Variants in ENG observed in about 807,000 individuals in gnomAD.
The protein encoded by ENG is CD105 antigen.
In ENG, 17 loss-of-function variants were observed where a neutral mutation model predicts 71.0. The observed-to-expected ratio is 0.24, with a 90% CI of 0.16 to 0.36. The LOEUF is 0.36. Among genes scored for constraint, ENG ranks in the 10% least tolerant of loss-of-function variants. The probability of loss-of-function intolerance (pLI) is 1.00; values close to 1 mark genes in which losing one functional copy is unlikely to be tolerated. For synonymous variants in ENG, 360 were observed against 366.9 expected (o/e 0.98, Z 0.21); for missense variants, 749 against 868.3 (o/e 0.86, Z 1.73).
chr9:127,844,784 A>C (rs1441104895), intron 1 of ENG, among the ~76,000 whole-genome samples: 1 of 152,224 alleles, frequency 6.6e-6, no homozygotes, highest in Non-Finnish European at 1.5e-5. Context: ...CTAGGTGTGA[A>C]CCCAAGTCTC....
At chr9:127,843,732 C>CACACATATATAT (rs1554812389) in intron 1 of ENG, among the ~76,000 whole-genome samples, 15 of 12,754 alleles carry the variant, frequency 1.2e-3, no homozygotes, top group African/African-American at 3.6e-3. Flanking sequence ...CACACATCCA[C>CACACATATATAT]ATACATATAT....
chr9:127,823,390 CTT>C (rs146160476), intron 8 of ENG, among the ~76,000 whole-genome samples: 56 of 143,096 alleles, frequency 3.9e-4, no homozygotes, highest in African/African-American at 1.3e-3. Context: ...ATTGTATAGG[CTT>C]TTTTTTTTTT....
intron 5 of ENG, 85 bp from the exon 6 acceptor site, chr9:127,825,442 C>T: frequency 6.3e-7 from 1 of 1,586,276 alleles, no homozygotes; most frequent in Non-Finnish European, 8.5e-7. Flanking sequence ...GCGGCGGCTG[C>T]ACTCTTACCT....
rs1347372797 is a variant in ENG, at chr9:127,836,602, G to A, written c.219+6492C>T. On this transcript the variant is annotated intron_variant, in intron 2 of 14. Coordinates refer to ENST00000373203, the MANE Select transcript of ENG (RefSeq NM_001114753.3). The surrounding 1 kb of genome is among the most constrained non-coding windows in gnomAD (Gnocchi z 4.0). ...CAGGGTGGCAGGGGAAAGGATCAAA[G>A]CCAGACCAACCTGAATTCAGATGGG... Among the ~76,000 whole-genome samples, 1 of 152,206 alleles carries A rather than the reference G, an allele frequency of 6.6e-6. No homozygotes were observed. The highest frequency in any genetic ancestry group is 1.5e-5 in the Non-Finnish European group (1 of 68,044).
chr9:127,844,651 A>G (rs1318861451), intron 1 of ENG, among the ~76,000 whole-genome samples: 1 of 149,490 alleles, frequency 6.7e-6, no homozygotes, highest in Admixed American at 6.7e-5. Flanking sequence ...CTGGTATTGA[A>G]CTCCTGGACT....
intron 1 of ENG, among the ~76,000 whole-genome samples, chr9:127,848,221 C>T (rs1013569901): frequency 1.1e-4 from 16 of 152,122 alleles, no homozygotes; most frequent in Non-Finnish European, 1.9e-4. Context: ...CCCCTAAACA[C>T]ACCTCGCTCC....
intron 8 of ENG, among the ~76,000 whole-genome samples, chr9:127,820,457 T>C (rs902808509): frequency 3.3e-5 from 5 of 151,658 alleles, no homozygotes; most frequent in African/African-American, 4.8e-5. Context: ...GGCCTCCCAT[T>C]GCAGGGATTA....
rs566539995 is a variant in ENG, at chr9:127,850,977, T to C, written c.67+3312A>G. ...TGGTCATGGAGTCCACAGGACAACA[T>C]GGAGACCTGGTTCGAAAGAAATAGA... On this transcript the variant is annotated intron_variant, in intron 1 of 14. Coordinates refer to ENST00000373203, the MANE Select transcript of ENG (RefSeq NM_001114753.3). Among the ~76,000 whole-genome samples, 43 of 152,236 alleles carry C rather than the reference T, an allele frequency of 2.8e-4. No individual in the cohort carries two copies. In the South Asian group the frequency reaches 8.9e-3, roughly 32 times the overall value.
intron 1 of ENG, among the ~76,000 whole-genome samples, chr9:127,843,930 C>T (rs1031060702): frequency 1.4e-5 from 2 of 146,662 alleles, no homozygotes; most frequent in African/African-American, 5.0e-5. Context: ...CACCACCACA[C>T]CCAGCTAATT....
intron 10 of ENG, 50 bp downstream of exon 10, chr9:127,819,572 C>T (rs949477045): frequency 1.9e-6 from 3 of 1,611,450 alleles, no homozygotes; most frequent in African/African-American, 2.7e-5. Context: ...GGCCCCGGCC[C>T]AGCAGCAGCC....
chr9:127,849,466 C>T (rs1831242203), intron 1 of ENG, among the ~76,000 whole-genome samples: 1 of 152,204 alleles, frequency 6.6e-6, no homozygotes, highest in African/African-American at 2.4e-5. Context: ...TGACCCACAT[C>T]AAGTCCCCCC....
chr9:127,843,680 TATACATAC>T (rs1267468094), intron 1 of ENG, among the ~76,000 whole-genome samples: 3 of 28,758 alleles, frequency 1.0e-4, no homozygotes, highest in Non-Finnish European at 2.8e-4. Flanking sequence ...GATCTACATA[TATACATAC>T]ATATATACAT....
intron 13 of ENG, chr9:127,816,904 G>A (rs1435769690): frequency 1.2e-5 from 7 of 586,054 alleles, no homozygotes; most frequent in Non-Finnish European, 1.8e-5. Flanking sequence ...TGGGGGCAGA[G>A]GCCTAGACTC....
chr9:127,825,491 G>A, intron 5 of ENG, 134 bp from the exon 6 acceptor site: 2 of 1,460,612 alleles, frequency 1.4e-6, no homozygotes, highest in Non-Finnish European at 1.9e-6. Context: ...TGGGACTGGG[G>A]CCAGGCTTGT....
intron 4 of ENG, 139 bp from the exon 5 acceptor site, chr9:127,825,999 G>A (rs1484909334): frequency 1.7e-6 from 2 of 1,168,166 alleles, no homozygotes; most frequent in Middle Eastern, 5.6e-4. Flanking sequence ...GAGGACCTAG[G>A]TTCGAACTTC....
At chr9:127,839,966 G>A (rs1830990371) in intron 2 of ENG, among the ~76,000 whole-genome samples, 1 of 152,220 alleles carries the variant, frequency 6.6e-6, no homozygotes, top group Non-Finnish European at 1.5e-5. Context: ...TCACAGAGGA[G>A]AAATGGAACC....
intron 2 of ENG, among the ~76,000 whole-genome samples, chr9:127,837,316 C>G (rs552341865): frequency 6.6e-6 from 1 of 152,228 alleles, no homozygotes; most frequent in South Asian, 2.1e-4. Context: ...ATTGTGTGGC[C>G]CCTAGATCCC....
At chr9:127,821,216 G>C (rs1830459516) in intron 8 of ENG, 1 of 152,156 alleles carries the variant, frequency 6.6e-6, no homozygotes, top group Non-Finnish European at 1.5e-5. Context: ...CAGATCACAG[G>C]AGGCCAGAAG....
At position 127,824,655 on chromosome 9, in the gene ENG, A is replaced by G. The variant is rs959497790; in HGVS notation, c.991+145T>C. The G allele has an allele frequency of 2.5e-5, 28 of 1,125,668 alleles. No individual in the cohort carries two copies. The Middle Eastern group carries it at 9.1e-4, about 37-fold the overall frequency. 69.7% of individuals were successfully genotyped at this position (1,125,668 alleles called of 1,614,324 possible). ...GGCTCTTCTATGATTAGCTACTCCC[A>G]TTGTTCCCATGTGCAGATGAGAAAA... On this transcript the variant is annotated intron_variant, in intron 7 of 14. Coordinates refer to ENST00000373203, the MANE Select transcript of ENG (RefSeq NM_001114753.3).
Sources: gnomAD v4.1 joint callset for allele counts (sites outside exome capture counted in the v4.1 genomes callset) on GRCh38, gnomAD v4.1.1 for gene constraint, Gnocchi (gnomAD v3.1) non-coding constraint, MANE v1.5 for transcripts, NCBI Gene and HGNC (gene_info 2026-07-23, HGNC 2026-07-21) for gene names.